Variants in GPC5 observed in about 807,000 individuals in gnomAD.
The protein encoded by GPC5 is glypican-5.
GPC5 carries 47 observed loss-of-function variants against 53.9 expected under a neutral mutation model. The observed-to-expected ratio is 0.87, with a 90% CI of 0.69 to 1.11. GPC5 has a LOEUF of 1.11. GPC5 is among the 50% of genes most tolerant of loss of function. The pLI, the probability that GPC5 is intolerant of heterozygous loss-of-function variation, is 0.00. For missense variants in GPC5, 748 were observed against 713.1 expected, an observed-to-expected ratio of 1.05 and a Z score of -0.56; for synonymous variants, 286 against 263.3, an observed-to-expected ratio of 1.09 and a Z score of -0.84.
At position 92,038,849 on chromosome 13, in the gene GPC5, C is replaced by T. The variant is rs545465787; in HGVS notation, c.1402-105981C>T. Among the ~76,000 whole-genome samples the T allele has an allele frequency of 2.6e-3, 392 of 152,146 alleles. 3 individuals carry two copies. Among genetic ancestry groups the T allele is most frequent in the African/African-American group, 9.2e-3 (381 of 41,498 alleles). On this transcript the variant is annotated intron_variant, in intron 6 of 7. Transcript: ENST00000377067. ...CAGTCAGGACCCCAGGAAGCTCTAA[C>T]ATTAAAAAGTAGATGAAAAATGGAG...
intron 7 of GPC5, among the ~76,000 whole-genome samples, chr13:92,239,332 T>C (rs1436987517): frequency 6.6e-6 from 1 of 152,124 alleles, no homozygotes; most frequent in East Asian, 1.9e-4. Flanking sequence ...GGGTTGTTTT[T>C]ACATTTATTT....
At chr13:91,948,336 T>C (rs575435375) in intron 6 of GPC5, among the ~76,000 whole-genome samples, 2 of 152,026 alleles carry the variant, frequency 1.3e-5, no homozygotes, top group East Asian at 3.9e-4. Context: ...CAAGCAAAAG[T>C]GAAATTTGAA....
chr13:92,041,602 C>T (rs1656918039), intron 6 of GPC5, among the ~76,000 whole-genome samples: 1 of 152,164 alleles, frequency 6.6e-6, no homozygotes, highest in African/African-American at 2.4e-5. Flanking sequence ...AAGCTGTGTC[C>T]ATTCAAGTGA....
chr13:92,494,076 GTTTGT>G (rs1555338609), intron 7 of GPC5, among the ~76,000 whole-genome samples: 66 of 140,258 alleles, frequency 4.7e-4, no homozygotes, highest in African/African-American at 1.1e-3. Flanking sequence ...TTGTTTGTTT[GTTTGT>G]TTTGTTTTGT....
chr13:91,444,689 C>T (rs1880664866), intron 1 of GPC5, among the ~76,000 whole-genome samples: 1 of 152,134 alleles, frequency 6.6e-6, no homozygotes, highest in South Asian at 2.1e-4. Flanking sequence ...TTTGATTTCA[C>T]TTACAGCATT....
rs137945550 is a variant in GPC5, at chr13:92,819,274, A to AG, written c.1562-47008_1562-47007insG. ...TGTAGAAGATACCTAGCACATACTTAAATGATTTGACTTATATTACTTTCA... is the reference window on the plus strand; with the variant it reads ...TGTAGAAGATACCTAGCACATACTTAGAATGATTTGACTTATATTACTTTCA... On this transcript the variant is annotated intron_variant, in intron 7 of 7. Transcript: ENST00000377067. Among the ~76,000 whole-genome samples the AG allele has an allele frequency of 0.026, 3,890 of 150,650 alleles. 396 individuals are homozygous for AG. In the East Asian group the frequency reaches 0.32, roughly 13 times the overall value.
intron 2 of GPC5, among the ~76,000 whole-genome samples, chr13:91,567,856 C>T (rs2031605148): frequency 2.0e-5 from 3 of 152,148 alleles, no homozygotes; most frequent in Non-Finnish European, 4.4e-5. Context: ...ACCCAAATCT[C>T]ATCTTAAATT....
At chr13:91,671,381 A>G (rs563815752) in intron 2 of GPC5, among the ~76,000 whole-genome samples, 101 of 152,040 alleles carry the variant, frequency 6.6e-4, no homozygotes, top group Non-Finnish European at 1.2e-3. Context: ...CTGCTTGCCT[A>G]TTGTTGGTGT....
intron 7 of GPC5, among the ~76,000 whole-genome samples, chr13:92,399,057 C>A (rs1218793370): frequency 1.3e-5 from 2 of 152,222 alleles, no homozygotes; most frequent in Non-Finnish European, 2.9e-5. Flanking sequence ...TCTGCTCAAG[C>A]CTAACCACCA....
chr13:92,757,239 C>G (rs947273734), intron 7 of GPC5, among the ~76,000 whole-genome samples: 1 of 152,100 alleles, frequency 6.6e-6, no homozygotes, highest in Non-Finnish European at 1.5e-5. Context: ...GGAAAGGATT[C>G]GTATTTAATA....
chr13:92,795,164 A>G (rs1238873832), intron 7 of GPC5, among the ~76,000 whole-genome samples: 4 of 152,180 alleles, frequency 2.6e-5, no homozygotes, highest in Admixed American at 1.3e-4. Flanking sequence ...CCAAAAAAGC[A>G]TGGTACTGGT....
chr13:92,016,466 T>C (rs1481334211), intron 6 of GPC5, among the ~76,000 whole-genome samples: 1 of 152,178 alleles, frequency 6.6e-6, no homozygotes, highest in African/African-American at 2.4e-5. Flanking sequence ...TAAGCAAGAA[T>C]TTAGGGTGGA....
At chr13:92,467,744 T>G (rs963239348) in intron 7 of GPC5, among the ~76,000 whole-genome samples, 1 of 152,136 alleles carries the variant, frequency 6.6e-6, no homozygotes, top group Non-Finnish European at 1.5e-5. Context: ...TGCCTAGATG[T>G]AGGTTTAGTT....
Position 91,940,050 on chromosome 13 carries a change from C to T in GPC5, c.1401+31993C>T, listed in dbSNP as rs144760475. On this transcript the variant is annotated intron_variant, in intron 6 of 7. Transcript: ENST00000377067. Reference sequence around the variant, plus strand: ...ACTTAACAGTTCTTGATAATATTCTCAACTCCCCTATTCTATTTTGTTTTA... The same window carrying T: ...ACTTAACAGTTCTTGATAATATTCTTAACTCCCCTATTCTATTTTGTTTTA... Among the ~76,000 whole-genome samples the T allele has an allele frequency of 4.1e-3, 630 of 152,218 alleles. 8 individuals carry two copies. Among genetic ancestry groups the T allele is most frequent in the African/African-American group, 0.015 (604 of 41,568 alleles).
chr13:92,235,760 C>T (rs1015362080), intron 7 of GPC5, among the ~76,000 whole-genome samples: 2 of 152,048 alleles, frequency 1.3e-5, no homozygotes, highest in Admixed American at 1.3e-4. Flanking sequence ...TGCTGCTGAT[C>T]ACAGTTTATT....
At chr13:91,567,368 A>G (rs538327432) in intron 2 of GPC5, among the ~76,000 whole-genome samples, 1 of 152,138 alleles carries the variant, frequency 6.6e-6, no homozygotes, top group Non-Finnish European at 1.5e-5. Flanking sequence ...GTGTATTTCT[A>G]GGTCCTCCAT....
chr13:92,757,408 G>A (rs1874932387), intron 7 of GPC5, among the ~76,000 whole-genome samples: 1 of 152,146 alleles, frequency 6.6e-6, no homozygotes, highest in Non-Finnish European at 1.5e-5. Flanking sequence ...TACCATTCAG[G>A]ACATAGGCAT....
chr13:92,089,080 A>G (rs906204408), intron 6 of GPC5, among the ~76,000 whole-genome samples: 4 of 152,208 alleles, frequency 2.6e-5, no homozygotes, highest in Non-Finnish European at 5.9e-5. Context: ...AAAGTTCCTA[A>G]GAATCAAGTC....
intron 7 of GPC5, among the ~76,000 whole-genome samples, chr13:92,352,400 T>C (rs2043486322): frequency 6.6e-6 from 1 of 152,182 alleles, no homozygotes; most frequent in Non-Finnish European, 1.5e-5. Context: ...AATTAATTCT[T>C]AAAATGTTAT....
Sources: gnomAD v4.1 joint callset for allele counts (sites outside exome capture counted in the v4.1 genomes callset) on GRCh38, gnomAD v4.1.1 for gene constraint, MANE v1.5 for transcripts, NCBI Gene and HGNC (gene_info 2026-07-23, HGNC 2026-07-21) for gene names.